TOX: variants seen among roughly 807,000 people sequenced by gnomAD.
TOX encodes thymocyte selection-associated high mobility group box protein TOX.
In TOX, 11 loss-of-function variants were observed where a neutral mutation model predicts 53.7. The ratio of observed to expected loss-of-function variants is 0.20; its 90% confidence interval spans 0.13 to 0.34. The LOEUF (loss-of-function observed/expected upper bound fraction) is 0.34, where lower values mean the gene tolerates loss of function less well. Ranked by LOEUF, TOX falls within the 10% of genes least tolerant of loss-of-function variation. TOX has a pLI of 1.00. For synonymous variants in TOX, 225 were observed against 245.3 expected (o/e 0.92, Z 0.77); for missense variants, 570 against 664.6 (o/e 0.86, Z 1.56).
chr8:58,884,441 T>G (rs565535137), intron 3 of TOX, among the ~76,000 whole-genome samples: 13 of 152,278 alleles, frequency 8.5e-5, no homozygotes, highest in Non-Finnish European at 1.3e-4. Flanking sequence ...TGGATACTAA[T>G]GTATTGATGC....
At chr8:59,045,419 G>C (rs1483645041) in intron 1 of TOX, among the ~76,000 whole-genome samples, 2 of 152,158 alleles carry the variant, frequency 1.3e-5, no homozygotes, top group African/African-American at 4.8e-5. Context: ...TCATAGGCAA[G>C]TCTTGTAACT....
intron 2 of TOX, among the ~76,000 whole-genome samples, chr8:58,953,242 C>A (rs1812654237): frequency 6.6e-6 from 1 of 152,090 alleles, no homozygotes; most frequent in South Asian, 2.1e-4. Flanking sequence ...CTATCCCAAG[C>A]CCTAAGATAT....
intron 3 of TOX, among the ~76,000 whole-genome samples, chr8:58,934,192 T>C (rs1415406933): frequency 6.6e-6 from 1 of 152,196 alleles, no homozygotes; most frequent in Non-Finnish European, 1.5e-5. Flanking sequence ...TAGCCTGTCT[T>C]AGAAAAGAGG....
intron 3 of TOX, among the ~76,000 whole-genome samples, chr8:58,867,976 C>T (rs1811131145): frequency 6.6e-6 from 1 of 152,162 alleles, no homozygotes; most frequent in Admixed American, 6.6e-5. Context: ...TATGGTTTAG[C>T]TGTGTACCCA....
chr8:58,990,157 A>G (rs950994451), intron 1 of TOX, among the ~76,000 whole-genome samples: 6 of 152,194 alleles, frequency 3.9e-5, no homozygotes, highest in Non-Finnish European at 5.9e-5. Context: ...ATCAATCACC[A>G]TTCTTCAGAT....
chr8:58,895,700 G>A (rs1255534512), intron 3 of TOX, among the ~76,000 whole-genome samples: 2 of 152,184 alleles, frequency 1.3e-5, no homozygotes, highest in Non-Finnish European at 2.9e-5. Flanking sequence ...ATTATCCTAT[G>A]CTGGAAGATG....
intron 3 of TOX, among the ~76,000 whole-genome samples, chr8:58,858,014 C>T (rs1396744048): frequency 6.6e-6 from 1 of 152,190 alleles, no homozygotes; most frequent in Non-Finnish European, 1.5e-5. Flanking sequence ...AGGTGATCCA[C>T]CCACCTCGGC....
chr8:58,873,960 T>C (rs1007220819), intron 3 of TOX, among the ~76,000 whole-genome samples: 16 of 69,426 alleles, frequency 2.3e-4, no homozygotes, highest in Non-Finnish European at 4.6e-4. Context: ...CCAGGAAGCT[T>C]TTTTTTTTTT....
At chr8:58,955,528 G>A (rs568878444) in intron 2 of TOX, among the ~76,000 whole-genome samples, 1 of 152,218 alleles carries the variant, frequency 6.6e-6, no homozygotes, top group East Asian at 1.9e-4. Flanking sequence ...AGTAACCTGA[G>A]CTTTTCCATA....
Position 58,915,251 on chromosome 8 carries a change from G to C in TOX, c.411+24051C>G, listed in dbSNP as rs1441829691. ...TGTAGGCTCCACCTCTGGGGGCAGGGCACAGACAAACAAAAAGACAGCAGT... is the reference window on the plus strand; with the variant it reads ...TGTAGGCTCCACCTCTGGGGGCAGGCCACAGACAAACAAAAAGACAGCAGT... On this transcript the variant is annotated intron_variant, in intron 3 of 8. Coordinates refer to ENST00000361421, the MANE Select transcript of TOX (RefSeq NM_014729.3). Among the ~76,000 whole-genome samples, 79 of 145,668 alleles carry C rather than the reference G, an allele frequency of 5.4e-4. 1 individual carries two copies. Among genetic ancestry groups the C allele is most frequent in the African/African-American group, 1.8e-3 (72 of 39,168 alleles).
At chr8:59,054,952 A>AG (rs1803864007) in intron 1 of TOX, among the ~76,000 whole-genome samples, 1 of 125,776 alleles carries the variant, frequency 8.0e-6, no homozygotes, top group Non-Finnish European at 1.6e-5. Context: ...GGAAAAAGAG[A>AG]GGAGGGAGGG....
chr8:58,997,917 C>T (rs1373929785), intron 1 of TOX, among the ~76,000 whole-genome samples: 1 of 152,030 alleles, frequency 6.6e-6, no homozygotes, highest in African/African-American at 2.4e-5. Flanking sequence ...CTCAGCCTCC[C>T]GAGTAGCTGG....
intron 1 of TOX, among the ~76,000 whole-genome samples, chr8:58,976,817 G>A (rs1188044320): frequency 2.0e-5 from 3 of 152,208 alleles, no homozygotes; most frequent in Admixed American, 1.3e-4. Flanking sequence ...TAGGTGCCTT[G>A]TTAGTAGTGG....
chr8:59,088,600 G>A (rs915931487), intron 1 of TOX, among the ~76,000 whole-genome samples: 1 of 152,190 alleles, frequency 6.6e-6, no homozygotes, highest in Non-Finnish European at 1.5e-5. Flanking sequence ...AGATTAACAA[G>A]CCCCGGGTAT....
chr8:59,006,336 G>A (rs946660372), intron 1 of TOX, among the ~76,000 whole-genome samples: 2 of 152,192 alleles, frequency 1.3e-5, no homozygotes, highest in African/African-American at 4.8e-5. Flanking sequence ...TAACGCACTG[G>A]GTTCTGCCAC....
At chr8:58,821,384 G>C (rs1297161466) in intron 6 of TOX, among the ~76,000 whole-genome samples, 1 of 151,910 alleles carries the variant, frequency 6.6e-6, no homozygotes, top group East Asian at 1.9e-4. Context: ...CTATGTTCAG[G>C]ATGCTGAGTC....
At chr8:59,054,654 C>A (rs1009498085) in intron 1 of TOX, among the ~76,000 whole-genome samples, 1 of 151,946 alleles carries the variant, frequency 6.6e-6, no homozygotes, top group African/African-American at 2.4e-5. Flanking sequence ...CGACTCGTTA[C>A]AACTTTGAAA....
chr8:58,998,522 T>A (rs927584952), intron 1 of TOX, among the ~76,000 whole-genome samples: 15,606 of 58,798 alleles, frequency 0.27, 2,372 homozygotes, highest in Non-Finnish European at 0.38. Context: ...TATATATATA[T>A]ATATATATAT....
At chr8:58,871,839 G>A (rs1383984416) in intron 3 of TOX, among the ~76,000 whole-genome samples, 3 of 152,050 alleles carry the variant, frequency 2.0e-5, no homozygotes, top group African/African-American at 7.2e-5. Flanking sequence ...GTTTACATAT[G>A]GAAATATTTA....
Sources: allele counts gnomAD v4.1 joint callset (sites outside exome capture counted in the v4.1 genomes callset), GRCh38; gene constraint gnomAD v4.1.1; transcripts MANE v1.5; gene names NCBI Gene and HGNC (gene_info 2026-07-23, HGNC 2026-07-21).